CEP128: variants seen among roughly 807,000 people sequenced by gnomAD.
CEP128 encodes the protein centrosomal protein 128kDa.
In CEP128, 132 loss-of-function variants were observed where a neutral mutation model predicts 156.7. That is an observed-to-expected ratio of 0.84 (90% CI 0.73 to 0.97). The LOEUF (loss-of-function observed/expected upper bound fraction) is 0.97. Among genes scored for constraint, CEP128 ranks in the 50% least tolerant of loss-of-function variants. The pLI, the probability that CEP128 is intolerant of heterozygous loss-of-function variation, is 0.00. For missense variants in CEP128, 1,252 were observed against 1,281.9 expected, an observed-to-expected ratio of 0.98 and a Z score of 0.36; for synonymous variants, 469 against 448.9, an observed-to-expected ratio of 1.04 and a Z score of -0.57.
chr14:80,863,902 A>G (rs11848413), intron 8 of CEP128, among the ~76,000 whole-genome samples: 9,860 of 152,240 alleles, frequency 0.065, 1,058 homozygotes, highest in African/African-American at 0.22. Flanking sequence ...TTTTAAAAAA[A>G]TAAATAAACA....
chr14:80,593,214 GTC>G lies in CEP128; in HGVS notation c.2807-12793_2807-12792del, dbSNP rs1201820027. On this transcript the variant is annotated intron_variant, in intron 19 of 24. Coordinates refer to ENST00000555265, the MANE Select transcript of CEP128 (RefSeq NM_152446.5). ...AAACAGGAAGAGAGGAAGTCAAATT[GTC>G]TCTGTTTGCAGATGACATGATTGTT... 1.2e-4 allele frequency among the ~76,000 whole-genome samples: 19 copies of G among 152,124 alleles called. No homozygotes were observed. The South Asian group carries it at 3.8e-3, about 30-fold the overall frequency.
intron 10 of CEP128, among the ~76,000 whole-genome samples, chr14:80,838,921 A>G (rs1313958466): frequency 6.6e-6 from 1 of 152,196 alleles, no homozygotes; most frequent in African/African-American, 2.4e-5. Context: ...AACACGGTGA[A>G]ACCCCATCTC....
At chr14:80,942,318 A>C (rs1419841531), upstream of CEP128, 1 of 152,196 alleles carries the variant, frequency 6.6e-6, no homozygotes, top group African/African-American at 2.4e-5. Flanking sequence ...GCACACCAAA[A>C]GTAGATGTGA....
chr14:80,780,041 C>T (rs1380749381), intron 15 of CEP128, among the ~76,000 whole-genome samples: 1 of 151,916 alleles, frequency 6.6e-6, no homozygotes, highest in Admixed American at 6.6e-5. Flanking sequence ...AGACCAATAT[C>T]CTGAAAATAT....
chr14:80,837,798 G>A (rs181282522), intron 11 of CEP128, among the ~76,000 whole-genome samples: 377 of 152,314 alleles, frequency 2.5e-3, no homozygotes, highest in Middle Eastern at 3.4e-3. Context: ...AGACAATGAC[G>A]TTATTCAAAG....
chr14:80,587,553 C>T (rs1392832055), intron 19 of CEP128, among the ~76,000 whole-genome samples: 3 of 152,166 alleles, frequency 2.0e-5, no homozygotes, highest in Non-Finnish European at 4.4e-5. Flanking sequence ...AAAACTGTCA[C>T]AGTACAGAAA....
At chr14:80,811,831 T>TAGATAGATAGATAGATAGAA (rs1884569811) in intron 13 of CEP128, among the ~76,000 whole-genome samples, 1 of 151,904 alleles carries the variant, frequency 6.6e-6, no homozygotes, top group Non-Finnish European at 1.5e-5. Flanking sequence ...GATAGATAGA[T>TAGATAGATAGATAGATAGAA]AGATAGATAG....
In CEP128 at chr14:80,793,189, T is replaced by G. The variant is rs1595408073; in HGVS notation, c.1210-79A>C. The G allele has an allele frequency of 2.7e-5, 29 of 1,055,606 alleles. No individual in the cohort carries two copies. In the East Asian group the frequency reaches 6.9e-4, roughly 25 times the overall value. 65.4% of individuals were successfully genotyped at this position (1,055,606 alleles called of 1,614,324 possible). On this transcript the variant is annotated intron_variant, in intron 13 of 24. Coordinates refer to ENST00000555265, the MANE Select transcript of CEP128 (RefSeq NM_152446.5). The stretch of plus-strand genomic sequence containing the variant: ...TGTAGCATATCATCAAACAAGAATC[T>G]CTAATGTCACTGAAGTGGAAATCAT...
chr14:80,656,296 TATA>T (rs1566837874), intron 19 of CEP128, among the ~76,000 whole-genome samples: 3 of 3,756 alleles, frequency 8.0e-4, no homozygotes, highest in Non-Finnish European at 1.3e-3. Flanking sequence ...TATATTTATA[TATA>T]TATATATATA....
intron 19 of CEP128, among the ~76,000 whole-genome samples, chr14:80,739,861 T>C (rs1898717883): frequency 6.6e-6 from 1 of 152,116 alleles, no homozygotes; most frequent in Non-Finnish European, 1.5e-5. Context: ...AAAAGACAAA[T>C]ACTGTTACCT....
At chr14:80,819,650 T>A (rs1420746449) in intron 13 of CEP128, among the ~76,000 whole-genome samples, 7 of 152,074 alleles carry the variant, frequency 4.6e-5, no homozygotes, top group Admixed American at 4.6e-4. Flanking sequence ...ACTTTGGGGA[T>A]TAGATTTGAA....
At chr14:80,725,015 A>G (rs1897964390) in intron 19 of CEP128, among the ~76,000 whole-genome samples, 1 of 145,430 alleles carries the variant, frequency 6.9e-6, no homozygotes. Context: ...ATATATACAT[A>G]TATGATATAT....
At chr14:80,584,419 T>G (rs1891727160) in intron 19 of CEP128, among the ~76,000 whole-genome samples, 1 of 152,154 alleles carries the variant, frequency 6.6e-6, no homozygotes, top group Non-Finnish European at 1.5e-5. Flanking sequence ...GTGCTGAGAT[T>G]ACAGGTGTGA....
intron 20 of CEP128, among the ~76,000 whole-genome samples, chr14:80,564,603 CT>C (rs1161773130): frequency 6.6e-6 from 1 of 152,178 alleles, no homozygotes; most frequent in African/African-American, 2.4e-5. Context: ...AACCCTGAAG[CT>C]GTCCTTGTTC....
chr14:80,521,060 C>T (rs1888725428), intron 23 of CEP128, among the ~76,000 whole-genome samples: 1 of 134,948 alleles, frequency 7.4e-6, no homozygotes, highest in African/African-American at 2.8e-5. Flanking sequence ...CCAGGATGGT[C>T]TCGATCTCCT....
intron 2 of CEP128, among the ~76,000 whole-genome samples, chr14:80,938,937 C>A (rs1251662369): frequency 6.6e-6 from 1 of 152,046 alleles, no homozygotes; most frequent in Non-Finnish European, 1.5e-5. Flanking sequence ...CAATGAAGCC[C>A]CTTGGCAGTG....
In CEP128 at chr14:80,787,581, G is replaced by A. The variant is rs139018917; in HGVS notation, c.1561-2036C>T. Among the ~76,000 whole-genome samples, 206 of 152,158 alleles carry A rather than the reference G, an allele frequency of 1.4e-3. 1 individual carries two copies. The highest frequency in any genetic ancestry group is 4.0e-3 in the African/African-American group (166 of 41,526). On this transcript the variant is annotated intron_variant, in intron 14 of 24. Coordinates refer to ENST00000555265, the MANE Select transcript of CEP128 (RefSeq NM_152446.5). ...TTCCAGAAATTAGTGTGACTTCTTT[G>A]GGGAGGGTCATTCTACTTACCAAAC...
chr14:80,723,591 T>C (rs1483907227), intron 19 of CEP128, among the ~76,000 whole-genome samples: 1 of 152,200 alleles, frequency 6.6e-6, no homozygotes, highest in Non-Finnish European at 1.5e-5. Context: ...GGTAGAACAG[T>C]GTCCAAAAAG....
intron 9 of CEP128, among the ~76,000 whole-genome samples, chr14:80,859,413 G>C: frequency 8.9e-6 from 1 of 112,016 alleles, no homozygotes. Flanking sequence ...GGGGGGAGGG[G>C]GGAGGGATAG....
Sources: gnomAD v4.1 joint callset for allele counts (sites outside exome capture counted in the v4.1 genomes callset) on GRCh38, gnomAD v4.1.1 for gene constraint, MANE v1.5 for transcripts, NCBI Gene and HGNC (gene_info 2026-07-23, HGNC 2026-07-21) for gene names.